Variants in PRCC observed in about 807,000 individuals in gnomAD.
The protein encoded by PRCC is proline-rich protein PRCC.
In PRCC, 10 loss-of-function variants were observed where a neutral mutation model predicts 44.0. That is an observed-to-expected ratio of 0.23 (90% CI 0.14 to 0.39). The LOEUF (loss-of-function observed/expected upper bound fraction) is 0.39. PRCC is among the 10% of genes least tolerant of loss of function. The pLI is 1.00. For missense variants in PRCC, 573 were observed against 624.7 expected, an observed-to-expected ratio of 0.92 and a Z score of 0.88; for synonymous variants, 278 against 259.5, an observed-to-expected ratio of 1.07 and a Z score of -0.69.
intron 1 of PRCC, among the ~76,000 whole-genome samples, chr1:156,779,342 T>A (rs1248150960): frequency 6.6e-6 from 1 of 150,650 alleles, no homozygotes; most frequent in African/African-American, 2.4e-5. Context: ...TAAAAAATTT[T>A]AAAATTTGTA....
chr1:156,781,399 C>G (rs1451657329), intron 1 of PRCC, among the ~76,000 whole-genome samples: 1 of 152,132 alleles, frequency 6.6e-6, no homozygotes, highest in East Asian at 1.9e-4. Flanking sequence ...GAGATTTTGC[C>G]TAATTGCCTT....
At chr1:156,797,174 T>G in intron 5 of PRCC, 102 bp from the exon 6 acceptor site, 1 of 1,367,644 alleles carries the variant, frequency 7.3e-7, no homozygotes, top group Non-Finnish European at 1.0e-6. Flanking sequence ...GGATTTGGGC[T>G]GTGGAATTGG....
intron 3 of PRCC, among the ~76,000 whole-genome samples, chr1:156,787,471 AT>A: frequency 2.5e-4 from 1 of 4,006 alleles, no homozygotes; most frequent in Non-Finnish European, 1.4e-3. Flanking sequence ...ATATATATAT[AT>A]ATATATATAT....
chr1:156,794,653 T>C lies in PRCC; in HGVS notation c.1180-12T>C, dbSNP rs1393072436. On this transcript the variant is annotated splice_polypyrimidine_tract_variant and intron_variant, in intron 4 of 6. Transcript: ENST00000271526. ...CCCAGATTCCTGACTCCTGCATTTTTTTCTTTTCCAGTTTAAGCGGCTGCA... is the reference window on the plus strand; with the variant it reads ...CCCAGATTCCTGACTCCTGCATTTTCTTCTTTTCCAGTTTAAGCGGCTGCA... The C allele has an allele frequency of 1.9e-6, 3 of 1,613,768 alleles. No homozygotes were observed. Among genetic ancestry groups the C allele is most frequent in the Non-Finnish European group, 2.5e-6 (3 of 1,179,920 alleles).
At position 156,787,008 on chromosome 1, in the gene PRCC, C is replaced by T. The variant is rs139572885; in HGVS notation, c.917C>T (p.Thr306Met). ...GTCCCTGAAGAGCTGCCTCCAGGCA[C>T]GGAACCAGAGCCGGCTTTCCAGGAC... Reference protein sequence around the residue: ...PTVPEELPPGTEPEPAFQDDA... With the variant: ...PTVPEELPPGMEPEPAFQDDA... Residue 306 changes from threonine to methionine, a missense_variant, in exon 3 of 7, where the codon ACG (threonine) becomes ATG (methionine). Transcript: ENST00000271526. The T allele has an allele frequency of 5.7e-5, 92 of 1,614,130 alleles. No homozygotes were observed. The highest frequency in any genetic ancestry group is 3.5e-4 in the South Asian group (32 of 91,094).
chr1:156,784,862 G>A (rs1164283037), intron 2 of PRCC, among the ~76,000 whole-genome samples: 1 of 152,140 alleles, frequency 6.6e-6, no homozygotes, highest in Non-Finnish European at 1.5e-5. Context: ...ATTCTTTTGG[G>A]TAATAGGAAC....
intron 6 of PRCC, among the ~76,000 whole-genome samples, chr1:156,799,959 TGGTCCAGA>T (rs551794452): frequency 2.6e-5 from 4 of 152,232 alleles, no homozygotes; most frequent in Non-Finnish European, 4.4e-5. Flanking sequence ...CTGTTTTGAC[TGGTCCAGA>T]GGAGCCTTTG....
intron 3 of PRCC, among the ~76,000 whole-genome samples, chr1:156,787,404 CTA>C (rs1652293224): frequency 1.4e-5 from 2 of 140,322 alleles, no homozygotes; most frequent in South Asian, 4.6e-4. Flanking sequence ...TGAAAACAAT[CTA>C]TTTATTTTTT....
chr1:156,788,690 TC>T (rs1652365810), intron 3 of PRCC, among the ~76,000 whole-genome samples: 1 of 140,434 alleles, frequency 7.1e-6, no homozygotes, highest in Non-Finnish European at 1.5e-5. Flanking sequence ...TGAGATGGAG[TC>T]TCGCTCTGTC....
chr1:156,795,285 G>GTTTTTTTTTTGTTGTTT, intron 5 of PRCC, among the ~76,000 whole-genome samples: 1 of 36,054 alleles, frequency 2.8e-5, no homozygotes, highest in Admixed American at 5.5e-4. Context: ...ATTTTCTGGT[G>GTTTTTTTTTTGTTGTTT]TTTTTTTTTT....
Position 156,800,492 on chromosome 1 carries a change from T to G in PRCC, c.*32T>G, listed in dbSNP as rs761535718. The G allele has an allele frequency of 3.3e-5, 53 of 1,611,222 alleles. No individual in the cohort carries two copies. The highest frequency in any genetic ancestry group is 4.1e-5 in the Non-Finnish European group (48 of 1,177,650). On this transcript the variant is annotated 3_prime_UTR_variant, in exon 7 of 7. Coordinates refer to ENST00000271526, the MANE Select transcript of PRCC (RefSeq NM_005973.5). Reference sequence around the variant, plus strand: ...GGAACTGATTGCTCCCAGGATCTCCTGCCAGCCCAGCTGGCCTGGCCCCCA... The same window carrying G: ...GGAACTGATTGCTCCCAGGATCTCCGGCCAGCCCAGCTGGCCTGGCCCCCA...
intron 1 of PRCC, among the ~76,000 whole-genome samples, chr1:156,779,489 C>G (rs1651969700): frequency 6.6e-6 from 1 of 151,742 alleles, no homozygotes; most frequent in Non-Finnish European, 1.5e-5. Flanking sequence ...CCTCAGCCTC[C>G]TGAGTAACTG....
chr1:156,788,911 C>T (rs1652376507), intron 3 of PRCC, among the ~76,000 whole-genome samples: 1 of 151,788 alleles, frequency 6.6e-6, no homozygotes, highest in Non-Finnish European at 1.5e-5. Context: ...AATGATCTGC[C>T]CACCTGGGCC....
In PRCC at chr1:156,794,911, C is replaced by T. The variant is rs1652606554; in HGVS notation, c.1323+103C>T. The T allele has an allele frequency of 1.3e-5, 19 of 1,437,186 alleles. No homozygotes were observed. In the South Asian group the frequency reaches 2.4e-4, roughly 18 times the overall value. The allele number at this position is 1,437,186 out of a possible 1,614,324, so 89.0% of individuals were successfully genotyped here. A position where few individuals can be genotyped will look rare whatever the true frequency, so the allele number is the denominator to read the frequency against. On this transcript the variant is annotated intron_variant, in intron 5 of 6. Transcript: ENST00000271526. ...CCACACCCCATTGTTATTGTCACAG[C>T]ACCTTTAGCAAACACATTTTGCCCA...
At chr1:156,782,198 C>G (rs141787937) in intron 1 of PRCC, 84 bp from the exon 2 acceptor site, 21,621 of 1,306,848 alleles carry the variant, frequency 0.017, 222 homozygotes, top group Middle Eastern at 0.021. Context: ...CACTGTTGTC[C>G]AACCCTTCAT....
intron 5 of PRCC, among the ~76,000 whole-genome samples, chr1:156,795,311 A>C (rs1247303653): frequency 1.5e-4 from 3 of 19,482 alleles, no homozygotes; most frequent in African/African-American, 6.4e-4. Context: ...TTTTTTTTTC[A>C]GAGTCTCACT....
chr1:156,786,988 T>C lies in PRCC; in HGVS notation c.897T>C (p.Pro299=). ...EPYPYPIPTV[P]EELPPGTEPE... The stretch of plus-strand genomic sequence containing the variant: ...ACCCTTACCCCATCCCCACTGTCCC[T>C]GAAGAGCTGCCTCCAGGCACGGAAC... The change falls in exon 3 of 7, where the codon CCT becomes CCC. Residue 299 remains proline (P), a synonymous_variant. Transcript: ENST00000271526. 1 of 1,614,208 alleles carries C rather than the reference T, an allele frequency of 6.2e-7. No homozygotes were observed. Among genetic ancestry groups the C allele is most frequent in the East Asian group, 2.2e-5 (1 of 44,888 alleles).
At chr1:156,795,461 G>A (rs1383088067) in intron 5 of PRCC, among the ~76,000 whole-genome samples, 1 of 151,594 alleles carries the variant, frequency 6.6e-6, no homozygotes, top group African/African-American at 2.4e-5. Flanking sequence ...GTATTTTTTT[G>A]TAGAGTTGGA....
chr1:156,786,200 T>C (rs1024088516), intron 2 of PRCC, among the ~76,000 whole-genome samples: 2 of 152,170 alleles, frequency 1.3e-5, no homozygotes, highest in Admixed American at 1.3e-4. Context: ...AGGAGAGGGT[T>C]CTTGTGTTAA....
Sources: gnomAD v4.1 joint callset for allele counts (sites outside exome capture counted in the v4.1 genomes callset) on GRCh38, gnomAD v4.1.1 for gene constraint, MANE v1.5 for transcripts, NCBI Gene and HGNC (gene_info 2026-07-23, HGNC 2026-07-21) for gene names.